The following ZFHX3 variants were observed in gnomAD, a reference collection of about 807,000 sequenced individuals.
The protein encoded by ZFHX3 is zinc finger homeobox protein 3.
A neutral mutation model predicts 279.1 loss-of-function variants in ZFHX3; 42 were observed. The observed-to-expected ratio is 0.15, with a 90% CI of 0.12 to 0.19. The LOEUF (loss-of-function observed/expected upper bound fraction) is 0.19. ZFHX3 is among the 10% of genes least tolerant of loss of function. The pLI, the probability that ZFHX3 is intolerant of heterozygous loss-of-function variation, is 1.00. For missense variants in ZFHX3, 4,981 were observed against 4,754.0 expected (o/e 1.05, Z -1.40); for synonymous variants, 2,293 against 1,957.8 (o/e 1.17, Z -4.52).
intron 2 of ZFHX3, among the ~76,000 whole-genome samples, chr16:73,501,418 C>T (rs1245145974): frequency 6.6e-6 from 1 of 152,174 alleles, no homozygotes; most frequent in African/African-American, 2.4e-5. Flanking sequence ...GCTACCCCAG[C>T]ACATCTCAAG....
intron 8 of ZFHX3, among the ~76,000 whole-genome samples, chr16:73,086,936 A>C (rs1167415147): frequency 6.6e-6 from 1 of 152,018 alleles, no homozygotes; most frequent in Non-Finnish European, 1.5e-5. Context: ...CCAAAACCAC[A>C]AAACAACAAA....
At chr16:73,119,127 A>G (rs1482839965) in intron 7 of ZFHX3, among the ~76,000 whole-genome samples, 1 of 151,794 alleles carries the variant, frequency 6.6e-6, no homozygotes, top group Non-Finnish European at 1.5e-5. Context: ...TTTTTGAGAC[A>G]GGGTCTCACT....
At chr16:73,390,571 T>C (rs992550898) in intron 3 of ZFHX3, among the ~76,000 whole-genome samples, 53 of 152,162 alleles carry the variant, frequency 3.5e-4, no homozygotes, top group Admixed American at 2.5e-3. Context: ...TAAAGCAGGA[T>C]TGTCAGACTC....
At chr16:73,382,774 A>C (rs2016837539) in intron 3 of ZFHX3, among the ~76,000 whole-genome samples, 1 of 152,212 alleles carries the variant, frequency 6.6e-6, no homozygotes, top group South Asian at 2.1e-4. Context: ...GAGGTTCAGA[A>C]CGTGGTAAGA....
At chr16:73,081,821 G>A (rs1298152265) in intron 8 of ZFHX3, among the ~76,000 whole-genome samples, 2 of 149,234 alleles carry the variant, frequency 1.3e-5, no homozygotes, top group African/African-American at 4.9e-5. Flanking sequence ...AATTATAAAT[G>A]TTCTTGTCCA....
chr16:72,829,767 G>GGTCTTTCTCACCTCCGCCCTC lies in ZFHX3; in HGVS notation c.3520_3529+11dup. On this transcript the variant is annotated intron_variant, in intron 5 of 9. Coordinates refer to ENST00000268489, the MANE Select transcript of ZFHX3 (RefSeq NM_006885.4). The stretch of plus-strand genomic sequence containing the variant: ...CACACACTACCTGTCCACTTGCCCT[G>GGTCTTTCTCACCTCCGCCCTC]GTCTTTCTCACCTCCGCCCTCTTGG... 1.9e-6 allele frequency: 3 copies of GGTCTTTCTCACCTCCGCCCTC among 1,614,106 alleles called. No homozygotes were observed.
chr16:72,861,230 T>A (rs1008009865), intron 4 of ZFHX3, among the ~76,000 whole-genome samples: 1 of 152,246 alleles, frequency 6.6e-6, no homozygotes, highest in Non-Finnish European at 1.5e-5. Context: ...TCGTTTTGCA[T>A]ATTTAAATCG....
At chr16:73,364,988 C>T (rs2016505633) in intron 3 of ZFHX3, among the ~76,000 whole-genome samples, 1 of 152,188 alleles carries the variant, frequency 6.6e-6, no homozygotes, top group Non-Finnish European at 1.5e-5. Flanking sequence ...ATTATCGGCC[C>T]TCCTTTGCCA....
At chr16:73,231,328 G>A (rs896789857) in intron 5 of ZFHX3, among the ~76,000 whole-genome samples, 5 of 152,182 alleles carry the variant, frequency 3.3e-5, no homozygotes, top group Non-Finnish European at 7.3e-5. Context: ...CGAGAGAACC[G>A]AGGGGACAAT....
chr16:72,785,621 T>C lies in ZFHX3; in HGVS notation c.*1543A>G, dbSNP rs577471959. On this transcript the variant is annotated 3_prime_UTR_variant, in exon 10 of 10. Coordinates refer to ENST00000268489, the MANE Select transcript of ZFHX3 (RefSeq NM_006885.4). ...TGAAAGGGTGTGTCTTTGGATTTTA[T>C]TTAAAGCATGAAATTTTTTTTTCTG... 6.6e-6 allele frequency: 1 copy of C among 152,596 alleles called. No individual in the cohort carries two copies. Among genetic ancestry groups the C allele is most frequent in the African/African-American group, 2.4e-5 (1 of 41,550 alleles). 9.5% of individuals were successfully genotyped at this position (152,596 alleles called of 1,614,324 possible). A position where few individuals can be genotyped will look rare whatever the true frequency, so the allele number is the denominator to read the frequency against.
At chr16:73,336,054 T>G (rs2015906202) in intron 3 of ZFHX3, among the ~76,000 whole-genome samples, 1 of 152,150 alleles carries the variant, frequency 6.6e-6, no homozygotes, top group South Asian at 2.1e-4. Context: ...TGGAGATGGA[T>G]CTTTACTGCT....
chr16:73,139,759 C>T (rs1176072790), intron 6 of ZFHX3, among the ~76,000 whole-genome samples: 2 of 152,238 alleles, frequency 1.3e-5, no homozygotes, highest in African/African-American at 4.8e-5. Flanking sequence ...CTACTAAACA[C>T]TCAGAGTGCT....
At chr16:73,583,371 GTTAACTGC>G (rs1292783454) in intron 2 of ZFHX3, among the ~76,000 whole-genome samples, 3 of 152,198 alleles carry the variant, frequency 2.0e-5, no homozygotes, top group Non-Finnish European at 4.4e-5. Context: ...AAACCAGAGA[GTTAACTGC>G]ATGAGCTGAC....
chr16:72,939,455 C>T (rs76547147), intron 3 of ZFHX3, among the ~76,000 whole-genome samples: 14,616 of 152,308 alleles, frequency 0.096, 893 homozygotes, highest in African/African-American at 0.17. Context: ...TAAACACAAT[C>T]GGAGCTCCTC....
chr16:73,370,019 C>T (rs2016597368), intron 3 of ZFHX3, among the ~76,000 whole-genome samples: 1 of 152,208 alleles, frequency 6.6e-6, no homozygotes, highest in Non-Finnish European at 1.5e-5. Context: ...GATGATTCCT[C>T]ACTTGCAACT....
intron 5 of ZFHX3, among the ~76,000 whole-genome samples, chr16:72,815,594 T>G (rs1168311731): frequency 3.3e-5 from 5 of 152,170 alleles, no homozygotes; most frequent in Admixed American, 3.3e-4. Flanking sequence ...CATAAGTAAA[T>G]GAAGTTGTAT....
chr16:72,915,415 C>T (rs184845499), intron 3 of ZFHX3, among the ~76,000 whole-genome samples: 2 of 152,240 alleles, frequency 1.3e-5, no homozygotes, highest in East Asian at 3.9e-4. Context: ...CGTGGCGGGC[C>T]TCTGCTCCAA....
At chr16:73,240,051 G>GTGTGTA (rs1555505680) in intron 5 of ZFHX3, among the ~76,000 whole-genome samples, 6 of 148,162 alleles carry the variant, frequency 4.0e-5, no homozygotes, top group African/African-American at 1.5e-4. Context: ...GTGTGTGTGT[G>GTGTGTA]TATATCTATA....
At chr16:73,099,841 C>T (rs530429697) in intron 7 of ZFHX3, among the ~76,000 whole-genome samples, 19 of 152,080 alleles carry the variant, frequency 1.2e-4, no homozygotes, top group South Asian at 4.2e-4. Flanking sequence ...TCTGGGTCAT[C>T]GAGTCTACCA....
Sources: gnomAD v4.1 joint callset for allele counts (sites outside exome capture counted in the v4.1 genomes callset) on GRCh38, gnomAD v4.1.1 for gene constraint, MANE v1.5 for transcripts, NCBI Gene and HGNC (gene_info 2026-07-23, HGNC 2026-07-21) for gene names.